SHISA9: variants seen among roughly 807,000 people sequenced by gnomAD.
The protein encoded by SHISA9 is protein shisa-9.
SHISA9 carries 13 observed loss-of-function variants against 38.0 expected under a neutral mutation model. The ratio of observed to expected loss-of-function variants is 0.34; its 90% CI spans 0.22 to 0.54. SHISA9 has a LOEUF of 0.54. Among genes scored for constraint, SHISA9 ranks in the 20% least tolerant of loss-of-function variants. The pLI is 0.91. For synonymous variants in SHISA9, 275 were observed against 242.0 expected, an observed-to-expected ratio of 1.14 and a Z score of -1.27; for missense variants, 538 against 575.8, an observed-to-expected ratio of 0.93 and a Z score of 0.67.
At chr16:13,501,273 C>A in the SHISA9 span, among the ~76,000 whole-genome samples, 2 of 152,108 alleles carry the variant, frequency 1.3e-5, no homozygotes, top group African/African-American at 4.8e-5. Context: ...AGGACACCCC[C>A]TACGACAAAG....
the SHISA9 span, among the ~76,000 whole-genome samples, chr16:13,283,367 T>G: frequency 6.6e-6 from 1 of 152,276 alleles, no homozygotes; most frequent in Admixed American, 6.5e-5. Flanking sequence ...TGTATTAATC[T>G]GTTCTCACAC....
At chr16:13,086,785 G>T (rs1342476553) in intron 2 of SHISA9, among the ~76,000 whole-genome samples, 1 of 152,060 alleles carries the variant, frequency 6.6e-6, no homozygotes, top group Non-Finnish European at 1.5e-5. Context: ...TTATAAGGAA[G>T]ATTTTGTTTT....
chr16:13,230,553 C>T (rs567865682), intron 4 of SHISA9, among the ~76,000 whole-genome samples: 1 of 152,166 alleles, frequency 6.6e-6, no homozygotes, highest in South Asian at 2.1e-4. Flanking sequence ...AAGGAAGAGG[C>T]TGAAGAACAG....
the SHISA9 span, among the ~76,000 whole-genome samples, chr16:13,260,993 C>A: frequency 6.6e-6 from 1 of 152,070 alleles, no homozygotes; most frequent in Non-Finnish European, 1.5e-5. Flanking sequence ...AGCAGAAGCT[C>A]CTGATAAACC....
chr16:13,254,660 C>A, the SHISA9 span, among the ~76,000 whole-genome samples: 1 of 152,244 alleles, frequency 6.6e-6, no homozygotes, highest in Non-Finnish European at 1.5e-5. Flanking sequence ...CCACTAATCA[C>A]CTCCCCCAGA....
At chr16:13,297,752 C>CT in the SHISA9 span, among the ~76,000 whole-genome samples, 250 of 151,580 alleles carry the variant, frequency 1.6e-3, 1 homozygote, top group Non-Finnish European at 2.7e-3. Flanking sequence ...TGCGTTCTTT[C>CT]TTTTTTTTTC....
chr16:13,095,835 C>T (rs942030827), intron 2 of SHISA9, among the ~76,000 whole-genome samples: 7 of 152,206 alleles, frequency 4.6e-5, no homozygotes, highest in African/African-American at 7.2e-5. Context: ...CAAACTTGAG[C>T]GAGCATGCAT....
intron 2 of SHISA9, among the ~76,000 whole-genome samples, chr16:13,028,770 C>T (rs2072955959): frequency 6.6e-6 from 1 of 152,116 alleles, no homozygotes; most frequent in African/African-American, 2.4e-5. Context: ...CATAGAGGGT[C>T]GTTGGAACAG....
At position 12,910,291 on chromosome 16, in the gene SHISA9, A is replaced by G. The variant is rs565118175; in HGVS notation, c.564-6397A>G. On this transcript the variant is annotated intron_variant, in intron 1 of 4. Coordinates refer to ENST00000558583, the MANE Select transcript of SHISA9 (RefSeq NM_001145204.3). Reference sequence around the variant, plus strand: ...ATATCCTGGTTTACCTGGCACAACAAAGTATCTCCAAATTCATTCATTCAT... The same window carrying G: ...ATATCCTGGTTTACCTGGCACAACAGAGTATCTCCAAATTCATTCATTCAT... 5.3e-5 allele frequency: 11 copies of G among 209,112 alleles called. 1 individual carries two copies. Among genetic ancestry groups the G allele is most frequent in the East Asian group, 1.9e-4 (1 of 5,396 alleles). The allele number at this position is 209,112 out of a possible 1,614,324, so 13.0% of individuals were successfully genotyped here. A position where few individuals can be genotyped will look rare whatever the true frequency, so the allele number is the denominator to read the frequency against.
chr16:13,257,750 T>TCTTAA, the SHISA9 span, among the ~76,000 whole-genome samples: 2 of 152,130 alleles, frequency 1.3e-5, no homozygotes, highest in African/African-American at 4.8e-5. Flanking sequence ...TTTTAGAGTG[T>TCTTAA]GAAAGCTCCC....
intron 2 of SHISA9, among the ~76,000 whole-genome samples, chr16:13,051,394 G>C (rs547950439): frequency 1.3e-5 from 2 of 152,152 alleles, no homozygotes; most frequent in East Asian, 3.9e-4. Context: ...CCCTGCCCTT[G>C]ACTCGGGTTT....
the SHISA9 span, among the ~76,000 whole-genome samples, chr16:13,328,393 C>T: frequency 1.3e-5 from 2 of 149,954 alleles, no homozygotes; most frequent in African/African-American, 2.4e-5. Flanking sequence ...CAACATTTTT[C>T]TTTTCCTTTT....
chr16:13,027,692 T>C (rs1299541102), intron 2 of SHISA9, among the ~76,000 whole-genome samples: 1 of 152,050 alleles, frequency 6.6e-6, no homozygotes, highest in Admixed American at 6.6e-5. Flanking sequence ...GTTGGGAGGC[T>C]GAGGCAGGCG....
the SHISA9 span, among the ~76,000 whole-genome samples, chr16:13,450,090 C>G: frequency 1.3e-5 from 2 of 152,106 alleles, no homozygotes; most frequent in Non-Finnish European, 2.9e-5. Context: ...GCACTCCAAC[C>G]TGAGTGATAG....
the SHISA9 span, chr16:13,458,643 G>A: frequency 6.0e-6 from 2 of 336,078 alleles, no homozygotes; most frequent in Non-Finnish European, 1.2e-5. Flanking sequence ...TTATGCAGAT[G>A]TATGGAGAAA....
chr16:13,205,058 C>G lies in SHISA9; in HGVS notation c.847+1509C>G, dbSNP rs192874414. On this transcript the variant is annotated intron_variant, in intron 3 of 4. Transcript: ENST00000558583. The stretch of plus-strand genomic sequence containing the variant: ...TTGGCTGTGGCAACCTCAGGGTTCC[C>G]TAAATCAATGGTTCTCACATGTGGA... Among the ~76,000 whole-genome samples, 4 of 152,270 alleles carry G rather than the reference C, an allele frequency of 2.6e-5. No individual in the cohort carries two copies. The East Asian group carries it at 5.8e-4, about 22-fold the overall frequency.
chr16:13,387,493 T>G, the SHISA9 span, among the ~76,000 whole-genome samples: 34 of 152,010 alleles, frequency 2.2e-4, no homozygotes, highest in African/African-American at 8.2e-4. Context: ...AGAGGATTTT[T>G]TTTTTTTTTT....
At chr16:13,387,930 GA>G in the SHISA9 span, among the ~76,000 whole-genome samples, 5 of 147,078 alleles carry the variant, frequency 3.4e-5, no homozygotes, top group South Asian at 4.3e-4. Context: ...TCCCCTCCTA[GA>G]AAAAAAAAAG....
chr16:13,506,617 G>T, the SHISA9 span, among the ~76,000 whole-genome samples: 4 of 152,162 alleles, frequency 2.6e-5, no homozygotes, highest in Admixed American at 6.5e-5. Context: ...AATGTGCCTG[G>T]CATGTTTAAG....
Sources: allele counts gnomAD v4.1 joint callset (sites outside exome capture counted in the v4.1 genomes callset), GRCh38; gene constraint gnomAD v4.1.1; transcripts MANE v1.5; gene names NCBI Gene and HGNC (gene_info 2026-07-23, HGNC 2026-07-21).